ANXA4: variants seen among roughly 807,000 people sequenced by gnomAD.
ANXA4 encodes the protein 35-beta calcimedin.
A neutral mutation model predicts 49.8 loss-of-function variants in ANXA4; 39 were observed. The observed-to-expected ratio is 0.78, with a 90% CI of 0.61 to 1.02. ANXA4 has a LOEUF of 1.02. Among genes scored for constraint, ANXA4 ranks in the 50% least tolerant of loss-of-function variants. The probability of loss-of-function intolerance (pLI) is 0.00; values close to 1 mark genes in which losing one functional copy is unlikely to be tolerated. For synonymous variants in ANXA4, 134 were observed against 152.5 expected, an observed-to-expected ratio of 0.88 and a Z score of 0.89; for missense variants, 360 against 410.1, an observed-to-expected ratio of 0.88 and a Z score of 1.05.
rs1207546604 is a variant in ANXA4, at chr2:69,826,800, G to T, written c.*1285G>T. 1.4e-5 allele frequency: 2 copies of T among 138,538 alleles called. No individual in the cohort carries two copies. The highest frequency in any genetic ancestry group is 3.2e-5 in the Non-Finnish European group (2 of 63,366). 8.6% of individuals were successfully genotyped at this position (138,538 alleles called of 1,614,324 possible). A position where few individuals can be genotyped will look rare whatever the true frequency, so the allele number is the denominator to read the frequency against. On this transcript the variant is annotated 3_prime_UTR_variant, in exon 13 of 13. Coordinates refer to ENST00000394295, the MANE Select transcript of ANXA4 (RefSeq NM_001153.5). ...CCATCTAAAAAAAAAAAAAAAAAAA[G>T]TGTCTTTAAAGTGAGGTATAGTCTT...
intron 3 of ANXA4, among the ~76,000 whole-genome samples, chr2:69,729,688 T>G (rs1285983060): frequency 2.0e-5 from 3 of 152,242 alleles, no homozygotes; most frequent in Non-Finnish European, 4.4e-5. Context: ...TATCACTTCA[T>G]AGTCATTATT....
At chr2:69,736,530 A>G (rs1250339052) in intron 3 of ANXA4, among the ~76,000 whole-genome samples, 1 of 152,192 alleles carries the variant, frequency 6.6e-6, no homozygotes, top group East Asian at 1.9e-4. Flanking sequence ...GTCTGTAACT[A>G]TAGTATTAAC....
intron 1 of ANXA4, among the ~76,000 whole-genome samples, chr2:69,763,007 C>T (rs942649628): frequency 5.3e-5 from 8 of 152,200 alleles, no homozygotes; most frequent in African/African-American, 1.9e-4. Context: ...ATGAGTTTCT[C>T]CCTTTTCTTC....
intron 2 of ANXA4, among the ~76,000 whole-genome samples, chr2:69,692,202 A>G (rs1322363822): frequency 2.0e-5 from 3 of 152,186 alleles, no homozygotes; most frequent in Non-Finnish European, 4.4e-5. Flanking sequence ...CATTTTTTTA[A>G]AGAAAATTTC....
At chr2:69,717,068 C>T (rs930487483) in intron 2 of ANXA4, among the ~76,000 whole-genome samples, 1 of 152,116 alleles carries the variant, frequency 6.6e-6, no homozygotes, top group African/African-American at 2.4e-5. Context: ...AAAGCAGCAT[C>T]GTGTAGCAGA....
At chr2:69,794,340 C>G (rs1469211100) in intron 3 of ANXA4, among the ~76,000 whole-genome samples, 1 of 152,162 alleles carries the variant, frequency 6.6e-6, no homozygotes, top group Non-Finnish European at 1.5e-5. Flanking sequence ...GCAGGCTGAC[C>G]ATCCTTTGGC....
chr2:69,644,620 A>G (rs1034509585), exon 1 of ANXA4: 2 of 152,054 alleles, frequency 1.3e-5, no homozygotes, highest in Admixed American at 1.3e-4. Flanking sequence ...GGCAGATCCT[A>G]GGATACCGGA....
At chr2:69,810,699 C>T (rs570770086) in intron 7 of ANXA4, 26 bp downstream of exon 7, 27 of 1,588,486 alleles carry the variant, frequency 1.7e-5, no homozygotes, top group South Asian at 7.7e-5. Flanking sequence ...TGATGGGGGG[C>T]GGGTTTTATC....
At chr2:69,691,660 T>G (rs1177245505) in intron 2 of ANXA4, among the ~76,000 whole-genome samples, 1 of 151,836 alleles carries the variant, frequency 6.6e-6, no homozygotes, top group Non-Finnish European at 1.5e-5. Flanking sequence ...CAGAACCCAT[T>G]GAAACCCAGA....
chr2:69,652,217 C>T (rs912481302), intron 1 of ANXA4, among the ~76,000 whole-genome samples: 2 of 151,714 alleles, frequency 1.3e-5, no homozygotes, highest in Non-Finnish European at 2.9e-5. Context: ...TGTTGGCAAG[C>T]CTGGCCTCGA....
chr2:69,778,063 T>C (rs1363027699), intron 1 of ANXA4, among the ~76,000 whole-genome samples: 1 of 152,218 alleles, frequency 6.6e-6, no homozygotes, highest in Non-Finnish European at 1.5e-5. Flanking sequence ...TCACATGTAA[T>C]AAAATATCCC....
At chr2:69,740,701 T>TTTTG (rs1670366852), upstream of ANXA4, among the ~76,000 whole-genome samples, 1 of 136,228 alleles carries the variant, frequency 7.3e-6, no homozygotes, top group Admixed American at 7.2e-5. Flanking sequence ...TTTTTTTTTT[T>TTTTG]AGACAATGTC....
chr2:69,766,394 A>G (rs555184766), intron 1 of ANXA4, among the ~76,000 whole-genome samples: 1 of 152,234 alleles, frequency 6.6e-6, no homozygotes, highest in Non-Finnish European at 1.5e-5. Flanking sequence ...CAGTTGTCTT[A>G]TAAAGGAACT....
chr2:69,809,400 G>A (rs939863352), intron 6 of ANXA4: 4 of 152,166 alleles, frequency 2.6e-5, no homozygotes, highest in African/African-American at 9.7e-5. Flanking sequence ...GCTGTGAAGG[G>A]CTGGAGCTTC....
At chr2:69,651,461 A>C (rs920535428) in intron 1 of ANXA4, among the ~76,000 whole-genome samples, 4 of 152,038 alleles carry the variant, frequency 2.6e-5, no homozygotes, top group Non-Finnish European at 4.4e-5. Context: ...CAATCTGTAT[A>C]CTTCATATAT....
intron 2 of ANXA4, among the ~76,000 whole-genome samples, chr2:69,682,794 C>A (rs1677644410): frequency 6.6e-6 from 1 of 152,154 alleles, no homozygotes; most frequent in Admixed American, 6.6e-5. Context: ...CAAGAACATG[C>A]CACTCATGTA....
intron 2 of ANXA4, among the ~76,000 whole-genome samples, chr2:69,706,061 A>G (rs145267666): frequency 3.3e-5 from 5 of 152,096 alleles, no homozygotes; most frequent in African/African-American, 7.2e-5. Context: ...AAGAAAAAGC[A>G]TAATATCTTC....
Position 69,728,045 on chromosome 2 carries a change from A to AT in ANXA4, n.864+7175dup, listed in dbSNP as rs1670006768. Among the ~76,000 whole-genome samples the AT allele has an allele frequency of 2.0e-5, 3 of 152,242 alleles. No individual in the cohort carries two copies. In the South Asian group the frequency reaches 6.2e-4, roughly 32 times the overall value. On this transcript the variant is annotated intron_variant and non_coding_transcript_variant, in intron 3 of 3. Transcript: ENST00000418066. ...TATGGATCTTTGCAAGAAATAATGT[A>AT]TCCTTCTCAGTTCATATCAGGAAGA...
intron 2 of ANXA4, among the ~76,000 whole-genome samples, chr2:69,676,027 GATAATAATA>G (rs1008375536): frequency 1.3e-5 from 2 of 149,048 alleles, no homozygotes; most frequent in Admixed American, 6.7e-5. Flanking sequence ...AAATAATAAT[GATAATAATA>G]ATAATAATAG....
Sources: allele counts gnomAD v4.1 joint callset (sites outside exome capture counted in the v4.1 genomes callset), GRCh38; gene constraint gnomAD v4.1.1; transcripts MANE v1.5; gene names NCBI Gene and HGNC (gene_info 2026-07-23, HGNC 2026-07-21).